The following DSCAM variants were observed in gnomAD, a reference collection of about 807,000 sequenced individuals.
DSCAM encodes the protein cell adhesion molecule DSCAM.
DSCAM carries 47 observed loss-of-function variants against 217.7 expected under a neutral mutation model. The ratio of observed to expected loss-of-function variants is 0.22; its 90% CI spans 0.17 to 0.28. DSCAM has a LOEUF of 0.28. Among genes scored for constraint, DSCAM ranks in the 10% least tolerant of loss-of-function variants. DSCAM has a pLI of 1.00. For synonymous variants in DSCAM, 1,056 were observed against 1,015.3 expected (o/e 1.04, Z -0.76); for missense variants, 2,080 against 2,618.3 (o/e 0.79, Z 4.49).
Position 40,347,766 on chromosome 21 carries a change from T to C in DSCAM, c.1114A>G (p.Met372Val). The change falls in exon 6 of 33, where the codon ATG becomes GTG. Residue 372 changes from methionine to valine, a missense_variant. Met to Val is a conservative substitution (Grantham distance 21). This residue lies in a region of DSCAM where 568 missense variants were observed against 678.1 expected (regional missense o/e 0.84). Coordinates refer to ENST00000400454, the MANE Select transcript of DSCAM (RefSeq NM_001389.5). The stretch of plus-strand genomic sequence containing the variant: ...CCGTCACTTTTGACCATGTGATCCA[T>C]TATAAGGTTTTCGTGGTTGATCCCT... The part of the protein sequence containing the change: ...ITGINHENLI[M>V]DHMVKSDGGA... 2 of 1,614,194 alleles carry C rather than the reference T, an allele frequency of 1.2e-6. No individual in the cohort carries two copies. The highest frequency in any genetic ancestry group is 1.7e-6 in the Non-Finnish European group (2 of 1,180,032).
chr21:40,167,096 T>C, intron 16 of DSCAM, 122 bp downstream of exon 16: 5 of 850,334 alleles, frequency 5.9e-6, no homozygotes, highest in Non-Finnish European at 9.1e-6. Context: ...GGCTTTCAAC[T>C]TAATTTTGAA....
chr21:40,109,045 A>ACT (rs2089860423), intron 20 of DSCAM, among the ~76,000 whole-genome samples: 1 of 152,102 alleles, frequency 6.6e-6, no homozygotes, highest in Admixed American at 6.5e-5. Context: ...AGCTAAAAAC[A>ACT]CTCTGGAAGA....
intron 3 of DSCAM, among the ~76,000 whole-genome samples, chr21:40,606,308 G>A (rs537354485): frequency 6.6e-6 from 1 of 152,174 alleles, no homozygotes; most frequent in South Asian, 2.1e-4. Context: ...GAGCTGGAGT[G>A]AAGAGCACCA....
intron 1 of DSCAM, among the ~76,000 whole-genome samples, chr21:40,741,625 A>AG (rs2091125046): frequency 6.6e-6 from 1 of 152,188 alleles, no homozygotes; most frequent in Non-Finnish European, 1.5e-5. Context: ...GAAGTCTGAG[A>AG]ACCACTCTTC....
At chr21:40,605,863 C>T (rs190049457) in intron 3 of DSCAM, among the ~76,000 whole-genome samples, 2 of 123,936 alleles carry the variant, frequency 1.6e-5, no homozygotes, top group African/African-American at 6.2e-5. Context: ...TGCAGTGGTG[C>T]AGTCTCAGCT....
intron 32 of DSCAM, among the ~76,000 whole-genome samples, chr21:40,022,199 G>A (rs1276546123): frequency 6.6e-6 from 1 of 152,148 alleles, no homozygotes; most frequent in Non-Finnish European, 1.5e-5. Context: ...ACTGAGGGTG[G>A]CTTTGTCCCC....
At chr21:40,090,035 C>T (rs535638825) in intron 21 of DSCAM, among the ~76,000 whole-genome samples, 54 of 152,132 alleles carry the variant, frequency 3.5e-4, no homozygotes, top group Non-Finnish European at 2.4e-4. Context: ...CCTCTTCTCA[C>T]ACTTCTGGGC....
chr21:40,078,188 CTAT>C (rs1016738090), intron 26 of DSCAM, among the ~76,000 whole-genome samples: 125 of 152,144 alleles, frequency 8.2e-4, no homozygotes, highest in Admixed American at 1.8e-3. Flanking sequence ...TCATGGATTC[CTAT>C]TATTATCCTA....
At chr21:40,104,565 G>A (rs1022758602) in intron 20 of DSCAM, among the ~76,000 whole-genome samples, 1 of 152,174 alleles carries the variant, frequency 6.6e-6, no homozygotes, top group African/African-American at 2.4e-5. Flanking sequence ...GGGATGAATA[G>A]GAGGAGCACA....
intron 3 of DSCAM, among the ~76,000 whole-genome samples, chr21:40,602,659 C>A (rs2065088693): frequency 6.6e-6 from 1 of 152,076 alleles, no homozygotes; most frequent in Middle Eastern, 3.2e-3. Flanking sequence ...CTTTTAACAT[C>A]TATGAAAGCA....
At chr21:40,319,626 A>G (rs1275521074) in intron 8 of DSCAM, among the ~76,000 whole-genome samples, 1 of 152,190 alleles carries the variant, frequency 6.6e-6, no homozygotes, top group Non-Finnish European at 1.5e-5. Context: ...ACTGGATTAT[A>G]TAAATTTTTT....
At chr21:40,840,343 T>C (rs1471787431) in intron 1 of DSCAM, among the ~76,000 whole-genome samples, 1 of 152,218 alleles carries the variant, frequency 6.6e-6, no homozygotes, top group African/African-American at 2.4e-5. Flanking sequence ...TGGGTGGCTC[T>C]TTGATGAAGA....
intron 3 of DSCAM, among the ~76,000 whole-genome samples, chr21:40,572,167 TAA>T (rs1263006118): frequency 6.6e-6 from 1 of 152,038 alleles, no homozygotes; most frequent in Non-Finnish European, 1.5e-5. Context: ...CAATGTGTTA[TAA>T]GTTTTATAGA....
chr21:40,478,120 G>A (rs1035482167), intron 3 of DSCAM, among the ~76,000 whole-genome samples: 3 of 152,190 alleles, frequency 2.0e-5, no homozygotes, highest in Admixed American at 6.6e-5. Flanking sequence ...ATTCTCTTGT[G>A]TCTGTCTCTC....
At chr21:40,662,373 G>A (rs1032033504) in intron 3 of DSCAM, among the ~76,000 whole-genome samples, 3 of 151,944 alleles carry the variant, frequency 2.0e-5, no homozygotes, top group East Asian at 1.9e-4. Flanking sequence ...CATGAGTTCC[G>A]TGCTTTATAT....
At chr21:40,203,355 A>G (rs570248880) in intron 11 of DSCAM, among the ~76,000 whole-genome samples, 178 of 152,332 alleles carry the variant, frequency 1.2e-3, no homozygotes, top group African/African-American at 4.0e-3. Context: ...TACAGCCCTG[A>G]ACCAGCATCA....
intron 3 of DSCAM, among the ~76,000 whole-genome samples, chr21:40,442,561 C>G (rs1259987936): frequency 7.1e-6 from 1 of 140,128 alleles, no homozygotes; most frequent in African/African-American, 2.7e-5. Flanking sequence ...GCTCTGTCAC[C>G]CAGGCCGGAG....
At chr21:40,578,761 A>T (rs187573958) in intron 3 of DSCAM, among the ~76,000 whole-genome samples, 2 of 152,308 alleles carry the variant, frequency 1.3e-5, no homozygotes, top group Non-Finnish European at 2.9e-5. Context: ...CATAGGAAGG[A>T]ATAAATTATG....
chr21:40,659,632 TTATC>T (rs998774408), intron 3 of DSCAM, among the ~76,000 whole-genome samples: 13 of 152,246 alleles, frequency 8.5e-5, no homozygotes, highest in East Asian at 3.9e-4. Flanking sequence ...TATCTACCAA[TTATC>T]TATCTATCTA....
Sources: gnomAD v4.1 joint callset for allele counts (sites outside exome capture counted in the v4.1 genomes callset) on GRCh38, gnomAD v4.1.1 for gene constraint, gnomAD v4.1.1 regional missense constraint, MANE v1.5 for transcripts, NCBI Gene and HGNC (gene_info 2026-07-23, HGNC 2026-07-21) for gene names.